SBF2: variants seen among roughly 807,000 people sequenced by gnomAD.
The protein encoded by SBF2 is myotubularin-related protein 13.
Under a neutral mutation model 225.2 loss-of-function variants are expected in SBF2, and 112 were observed. The observed-to-expected ratio is 0.50, with a 90% CI of 0.43 to 0.58. SBF2 has a LOEUF of 0.58. Among genes scored for constraint, SBF2 ranks in the 20% least tolerant of loss-of-function variants. SBF2 has a pLI of 0.00. For synonymous variants in SBF2, 763 were observed against 773.3 expected (o/e 0.99, Z 0.22); for missense variants, 1,996 against 2,206.2 (o/e 0.90, Z 1.91).
intron 1 of SBF2, among the ~76,000 whole-genome samples, chr11:10,233,226 A>G (rs1958926884): frequency 6.6e-6 from 1 of 152,124 alleles, no homozygotes; most frequent in South Asian, 2.1e-4. Context: ...TTTTCCTTAC[A>G]AAGTAGTTAT....
chr11:10,084,380 C>A (rs531847640), intron 2 of SBF2, among the ~76,000 whole-genome samples: 1 of 152,164 alleles, frequency 6.6e-6, no homozygotes, highest in South Asian at 2.1e-4. Flanking sequence ...CACAATGAGG[C>A]ATCATCTTAT....
At chr11:10,304,803 T>A (rs1397793244) in exon 1 of SBF2, 1 of 152,400 alleles carries the variant, frequency 6.6e-6, no homozygotes, top group African/African-American at 2.4e-5. Context: ...TCCGGCGTAC[T>A]GTCTGAACCC....
chr11:10,029,333 G>C (rs965366920), intron 5 of SBF2, among the ~76,000 whole-genome samples: 2 of 152,120 alleles, frequency 1.3e-5, no homozygotes, highest in Non-Finnish European at 2.9e-5. Context: ...ATGTAACAAA[G>C]AACTGTGTTG....
chr11:10,179,223 T>C (rs1048959941), intron 2 of SBF2, among the ~76,000 whole-genome samples: 14 of 151,270 alleles, frequency 9.3e-5, no homozygotes, highest in Admixed American at 2.6e-4. Flanking sequence ...AGGGATAGCA[T>C]TGGGAGATAT....
chr11:10,284,609 C>A (rs542830459), intron 1 of SBF2, among the ~76,000 whole-genome samples: 2 of 151,932 alleles, frequency 1.3e-5, no homozygotes, highest in African/African-American at 4.8e-5. Flanking sequence ...GTTTTTGAGA[C>A]GGGATCTTGT....
In SBF2 at chr11:9,801,755, A is replaced by T. The variant is rs192528467; in HGVS notation, c.4444-5798T>A. On this transcript the variant is annotated intron_variant, in intron 32 of 39. Coordinates refer to ENST00000256190, the MANE Select transcript of SBF2 (RefSeq NM_030962.4). Reference sequence around the variant, plus strand: ...GTTCATTTTTGCCAGTTTGCAGTTGAATAGGCAGCAGACAGCAGAAACTCT... The same window carrying T: ...GTTCATTTTTGCCAGTTTGCAGTTGTATAGGCAGCAGACAGCAGAAACTCT... Among the ~76,000 whole-genome samples, 281 of 152,334 alleles carry T rather than the reference A, an allele frequency of 1.8e-3. 1 individual carries two copies. Among genetic ancestry groups the T allele is most frequent in the Non-Finnish European group, 2.9e-3 (197 of 68,022 alleles).
intron 16 of SBF2, among the ~76,000 whole-genome samples, chr11:9,955,109 T>C (rs953268467): frequency 1.6e-4 from 24 of 152,044 alleles, no homozygotes; most frequent in African/African-American, 5.3e-4. Context: ...GAGGACTTTT[T>C]TCAAATTATA....
Position 9,845,710 on chromosome 11 carries a change from T to C in SBF2, c.2965A>G (p.Ser989Gly), listed in dbSNP as rs1590208930. 6.2e-7 allele frequency: 1 copy of C among 1,613,908 alleles called. No individual in the cohort carries two copies. The highest frequency in any genetic ancestry group is 8.5e-7 in the Non-Finnish European group (1 of 1,179,800). ...TTAAAGATCTCTACTACTTCTGGAC[T>C]GACTTCTTCATCAAATGCTACCTTA... The part of the protein sequence containing the change: ...LIKVAFDEEV[S>G]PEVVEIFKKQ... Residue 989 changes from serine (S) to glycine (G), a missense_variant, in exon 24 of 40, where the codon AGT becomes GGT. By Grantham distance (56) the Ser-to-Gly change is moderately conservative. Transcript: ENST00000256190.
intron 1 of SBF2, among the ~76,000 whole-genome samples, chr11:10,250,410 GT>G (rs1181161588): frequency 6.6e-6 from 1 of 152,186 alleles, no homozygotes; most frequent in African/African-American, 2.4e-5. Context: ...TAAGGCTCTT[GT>G]TATTAAAGGG....
intron 33 of SBF2, among the ~76,000 whole-genome samples, chr11:9,794,156 G>A (rs935838883): frequency 6.6e-6 from 1 of 151,360 alleles, no homozygotes; most frequent in Non-Finnish European, 1.5e-5. Context: ...CACTCCAGCC[G>A]GGGAGACAGA....
intron 13 of SBF2, among the ~76,000 whole-genome samples, chr11:9,981,250 A>C (rs1245828040): frequency 1.3e-5 from 2 of 152,200 alleles, no homozygotes; most frequent in Non-Finnish European, 2.9e-5. Flanking sequence ...CCAGAAGCTA[A>C]ATAAGTGGTA....
At chr11:9,817,679 C>T (rs1854523615) in intron 28 of SBF2, among the ~76,000 whole-genome samples, 1 of 142,516 alleles carries the variant, frequency 7.0e-6, no homozygotes, top group Non-Finnish European at 1.5e-5. Flanking sequence ...CCAAGGTGGG[C>T]AGATCGCTTG....
chr11:9,996,968 A>G lies in SBF2; in HGVS notation c.975+1298T>C, dbSNP rs558798307. On this transcript the variant is annotated intron_variant, in intron 9 of 39. Coordinates refer to ENST00000256190, the MANE Select transcript of SBF2 (RefSeq NM_030962.4). Reference sequence around the variant, plus strand: ...AGTGGCAGAACACAGACTGGAATTCAGGTATCCTGTATCCCACACTAGTGT... The same window carrying G: ...AGTGGCAGAACACAGACTGGAATTCGGGTATCCTGTATCCCACACTAGTGT... 2.6e-5 allele frequency among the ~76,000 whole-genome samples: 4 copies of G among 152,308 alleles called. No individual in the cohort carries two copies. In the South Asian group the frequency reaches 6.2e-4, roughly 24 times the overall value.
chr11:10,014,989 G>C (rs189502044), intron 6 of SBF2, among the ~76,000 whole-genome samples: 132 of 152,162 alleles, frequency 8.7e-4, no homozygotes, highest in African/African-American at 3.1e-3. Context: ...AAATTAGCCA[G>C]GCATGGTGGT....
chr11:10,301,244 A>G lies in SBF2; in HGVS notation n.386+3248T>C, dbSNP rs1003924627. Among the ~76,000 whole-genome samples the G allele has an allele frequency of 5.3e-5, 8 of 152,136 alleles. 1 individual carries two copies. In the South Asian group the frequency reaches 1.2e-3, roughly 24 times the overall value. On this transcript the variant is annotated intron_variant and non_coding_transcript_variant, in intron 1 of 5. Transcript: ENST00000685217. ...TGTGTCAGGGTTTTAAACTTGGTCA[A>G]CCTCCCGGAACTGTATGCCTATTTT...
chr11:10,258,054 T>C (rs967727733), intron 1 of SBF2, among the ~76,000 whole-genome samples: 22 of 148,880 alleles, frequency 1.5e-4, no homozygotes, highest in African/African-American at 5.2e-4. Context: ...AAACTATGAA[T>C]CTCTAAGAGG....
intron 19 of SBF2, among the ~76,000 whole-genome samples, chr11:9,856,224 A>G (rs1857304137): frequency 6.6e-6 from 1 of 152,238 alleles, no homozygotes; most frequent in East Asian, 1.9e-4. Context: ...AATGGGTGAG[A>G]CATTTGGAAA....
chr11:9,820,428 C>T (rs1313602353), intron 28 of SBF2, among the ~76,000 whole-genome samples: 1 of 152,204 alleles, frequency 6.6e-6, no homozygotes, highest in East Asian at 1.9e-4. Context: ...CCAAGGCACA[C>T]TGTGTGGCCT....
intron 2 of SBF2, among the ~76,000 whole-genome samples, chr11:10,099,268 C>A (rs753720208): frequency 3.0e-4 from 45 of 152,060 alleles, no homozygotes; most frequent in Non-Finnish European, 5.9e-4. Context: ...TATCCACAAG[C>A]TTCTCCCTAA....
Sources: allele counts gnomAD v4.1 joint callset (sites outside exome capture counted in the v4.1 genomes callset), GRCh38; gene constraint gnomAD v4.1.1; transcripts MANE v1.5; gene names NCBI Gene and HGNC (gene_info 2026-07-23, HGNC 2026-07-21).